Variants in SAV1 observed in about 807,000 individuals in gnomAD.
SAV1 encodes protein salvador homolog 1.
SAV1 carries 23 observed loss-of-function variants against 47.3 expected under a neutral mutation model. That is an observed-to-expected ratio of 0.49 (90% CI 0.35 to 0.69). SAV1 has a LOEUF of 0.69. Among genes scored for constraint, SAV1 ranks in the 30% least tolerant of loss-of-function variants. SAV1 has a pLI of 0.01. For synonymous variants in SAV1, 155 were observed against 159.2 expected (o/e 0.97, Z 0.20); for missense variants, 448 against 457.4 (o/e 0.98, Z 0.19).
chr14:50,664,366 T>C (rs1457779991), intron 2 of SAV1: 1 of 152,206 alleles, frequency 6.6e-6, no homozygotes, highest in Non-Finnish European at 1.5e-5. Context: ...CTGTCTCACA[T>C]TTTATTTTTA....
intron 4 of SAV1, among the ~76,000 whole-genome samples, chr14:50,640,380 G>A (rs2039671534): frequency 6.6e-6 from 1 of 152,024 alleles, no homozygotes; most frequent in Admixed American, 6.6e-5. Flanking sequence ...TCAGCCTCCC[G>A]AAGTGCTGGG....
intron 2 of SAV1, among the ~76,000 whole-genome samples, chr14:50,654,846 A>G (rs1320073104): frequency 1.3e-5 from 2 of 152,214 alleles, no homozygotes; most frequent in Non-Finnish European, 2.9e-5. Flanking sequence ...ATCACAGACA[A>G]ATCAGTCATT....
chr14:50,662,869 A>G (rs1417860019), intron 2 of SAV1: 1 of 152,236 alleles, frequency 6.6e-6, no homozygotes, highest in East Asian at 1.9e-4. Context: ...TTAAGCCTCC[A>G]GATTTAAAAC....
intron 3 of SAV1, 126 bp downstream of exon 3, chr14:50,644,618 T>C (rs2039705355): frequency 1.1e-6 from 1 of 875,098 alleles, no homozygotes; most frequent in South Asian, 2.8e-5. Context: ...AAAATGTAAA[T>C]TTTGAAATAT....
intron 2 of SAV1, among the ~76,000 whole-genome samples, chr14:50,647,696 A>G (rs1444365779): frequency 6.6e-6 from 1 of 152,234 alleles, no homozygotes; most frequent in African/African-American, 2.4e-5. Context: ...GCTCAGGATC[A>G]TAATTAGCCG....
chr14:50,642,176 G>C (rs1595636361), intron 3 of SAV1, among the ~76,000 whole-genome samples: 1 of 152,126 alleles, frequency 6.6e-6, no homozygotes, highest in East Asian at 1.9e-4. Context: ...ACAAAGAAGG[G>C]AACAATAAAC....
intron 1 of SAV1, chr14:50,667,304 C>T (rs900181341): frequency 2.9e-6 from 1 of 345,732 alleles, no homozygotes; most frequent in African/African-American, 2.2e-5. Flanking sequence ...AATACAAAGG[C>T]TTTTGGCTCT....
chr14:50,667,229 G>A (rs553217905), intron 1 of SAV1, among the ~76,000 whole-genome samples: 2 of 152,150 alleles, frequency 1.3e-5, no homozygotes, highest in African/African-American at 4.8e-5. Flanking sequence ...TTTTCGAGGG[G>A]GGGGTTCTCT....
At position 50,644,898 on chromosome 14, in the gene SAV1, TATA is replaced by T; in HGVS notation, c.649_651del (p.Tyr217del). The stretch of plus-strand genomic sequence containing the variant: ...TGAGTTGTATTTGTGTTATGATCTA[TATA>T]ATATTTTCTCCCTCTCATTGTCCAG... On this transcript the variant is annotated inframe_deletion, in exon 3 of 5. Transcript: ENST00000324679. 6.2e-7 allele frequency: 1 copy of T among 1,614,148 alleles called. No homozygotes were observed. Among genetic ancestry groups the T allele is most frequent in the South Asian group, 1.1e-5 (1 of 91,084 alleles).
chr14:50,638,871 G>T (rs746399016), intron 4 of SAV1, among the ~76,000 whole-genome samples: 3 of 152,142 alleles, frequency 2.0e-5, no homozygotes, highest in Non-Finnish European at 4.4e-5. Flanking sequence ...GGGTTCAAAT[G>T]ATTCTCCTGC....
At chr14:50,661,522 G>A (rs966410246) in intron 2 of SAV1, among the ~76,000 whole-genome samples, 1 of 152,022 alleles carries the variant, frequency 6.6e-6, no homozygotes, top group Admixed American at 6.6e-5. Context: ...TTGTTAGATC[G>A]ATGTCCTGAA....
intron 2 of SAV1, among the ~76,000 whole-genome samples, 186 bp from the exon 3 acceptor site, chr14:50,645,200 G>C (rs1042605341): frequency 6.6e-6 from 1 of 152,128 alleles, no homozygotes; most frequent in Non-Finnish European, 1.5e-5. Context: ...TATAAAAAGG[G>C]GGAGGAACTA....
rs760550477 is a variant in SAV1 at position 50,667,927 on chromosome 14, G to A, written c.41C>T (p.Pro14Leu). 37 of 1,612,742 alleles carry A rather than the reference G, an allele frequency of 2.3e-5. No individual in the cohort carries two copies. The highest frequency in any genetic ancestry group is 3.1e-5 in the Non-Finnish European group (36 of 1,179,496). Reference protein sequence around the residue: ...RKKTKNEVSKPAEVQGKYVKK... With the variant: ...RKKTKNEVSKLAEVQGKYVKK... Reference sequence around the variant, plus strand: ...CACGTACTTCCCCTGCACCTCGGCCGGCTTGGACACTTCGTTTTTGGTTTT... The same window carrying A: ...CACGTACTTCCCCTGCACCTCGGCCAGCTTGGACACTTCGTTTTTGGTTTT... The change falls in exon 1 of 5, where the codon CCG becomes CTG. Residue 14 changes from proline (P) to leucine (L), a missense_variant. Coordinates refer to ENST00000324679, the MANE Select transcript of SAV1 (RefSeq NM_021818.4).
At position 50,665,716 on chromosome 14, in the gene SAV1, G is replaced by A. The variant is rs534965130; in HGVS notation, c.95-97C>T. ...ATGTCTACCACCCCAAAATCAAAAT[G>A]TCAGTCAACTTAAGAAAACACAATT... On this transcript the variant is annotated intron_variant, in intron 1 of 4. Coordinates refer to ENST00000324679, the MANE Select transcript of SAV1 (RefSeq NM_021818.4). 6 of 1,080,666 alleles carry A rather than the reference G, an allele frequency of 5.6e-6. No individual in the cohort carries two copies. In the Admixed American group the frequency reaches 1.2e-4, roughly 22 times the overall value. 66.9% of individuals were successfully genotyped at this position (1,080,666 alleles called of 1,614,324 possible).
At chr14:50,651,149 A>G (rs934487187) in intron 2 of SAV1, among the ~76,000 whole-genome samples, 17 of 152,244 alleles carry the variant, frequency 1.1e-4, no homozygotes, top group African/African-American at 3.9e-4. Flanking sequence ...GACCTGGCTA[A>G]GCCGCTTCCA....
rs2039618147 is a variant in SAV1, at chr14:50,634,677, C to CAAACATA, written c.*499_*505dup. The CAAACATA allele has an allele frequency of 6.3e-6, 1 of 157,802 alleles. No individual in the cohort carries two copies. Among genetic ancestry groups the CAAACATA allele is most frequent in the Non-Finnish European group, 1.4e-5 (1 of 72,070 alleles). 9.8% of individuals were successfully genotyped at this position (157,802 alleles called of 1,614,324 possible). A position where few individuals can be genotyped will look rare whatever the true frequency, so the allele number is the denominator to read the frequency against. On this transcript the variant is annotated 3_prime_UTR_variant, in exon 5 of 5. Coordinates refer to ENST00000324679, the MANE Select transcript of SAV1 (RefSeq NM_021818.4). ...GGTTCCTTACTTTGGAGAGGGGAGA[C>CAAACATA]AAACATACATCATATATAAATATTT...
chr14:50,665,221 G>C lies in SAV1; in HGVS notation c.493C>G (p.Leu165Val). The change falls in exon 2 of 5, where the codon CTC (leucine) becomes GTC (valine). Residue 165 changes from leucine to valine, a missense_variant. Coordinates refer to ENST00000324679, the MANE Select transcript of SAV1 (RefSeq NM_021818.4). ...DYRYYEYNHDLFQRMPQNQGR... is the reference protein window; with the variant it reads ...DYRYYEYNHDVFQRMPQNQGR... ...TGATTCTGTGGCATTCTTTGGAAGA[G>C]ATCATGGTTGTATTCATAATATCTG... 6.2e-7 allele frequency: 1 copy of C among 1,600,196 alleles called. No individual in the cohort carries two copies. Among genetic ancestry groups the C allele is most frequent in the East Asian group, 2.2e-5 (1 of 44,856 alleles).
intron 2 of SAV1, among the ~76,000 whole-genome samples, chr14:50,653,323 G>A (rs2039785188): frequency 6.6e-6 from 1 of 152,148 alleles, no homozygotes; most frequent in African/African-American, 2.4e-5. Flanking sequence ...TCATCATTCT[G>A]AAATAGCAAA....
Position 50,640,841 on chromosome 14 carries a change from C to A in SAV1, c.859G>T (p.Glu287Ter). The A allele has an allele frequency of 6.2e-7, 1 of 1,613,674 alleles. No homozygotes were observed. The highest frequency in any genetic ancestry group is 1.1e-5 in the South Asian group (1 of 91,002). The change falls in exon 4 of 5, where the codon GAA (glutamate) becomes TAA (stop). Residue 287 changes from glutamate (E) to a stop codon, truncating the protein, a stop_gained. Coordinates refer to ENST00000324679, the MANE Select transcript of SAV1 (RefSeq NM_021818.4). LOFTEE classifies it high-confidence loss of function. ...PPVTYQPQQT[E>*]RNQSLLVPAN... Reference sequence around the variant, plus strand: ...GGTACCAGAAGGGACTGATTTCTTTCAGTTTGCTGTGGCTGGTATGTGACA... The same window carrying A: ...GGTACCAGAAGGGACTGATTTCTTTAAGTTTGCTGTGGCTGGTATGTGACA...
Sources: gnomAD v4.1 joint callset for allele counts (sites outside exome capture counted in the v4.1 genomes callset) on GRCh38, gnomAD v4.1.1 for gene constraint, MANE v1.5 for transcripts, NCBI Gene and HGNC (gene_info 2026-07-23, HGNC 2026-07-21) for gene names.